STX11: variants seen among roughly 807,000 people sequenced by gnomAD.
The protein encoded by STX11 is syntaxin 11, also known as syntaxin-11.
STX11 carries 21 observed loss-of-function variants against 19.9 expected under a neutral mutation model. That is an observed-to-expected ratio of 1.06 (90% confidence interval 0.75 to 1.52). The LOEUF (loss-of-function observed/expected upper bound fraction) is 1.52, where lower values mean the gene tolerates loss of function less well. STX11 is among the 40% of genes most tolerant of loss of function. The probability of loss-of-function intolerance (pLI) is 0.00; values close to 1 mark genes in which losing one functional copy is unlikely to be tolerated. For synonymous variants in STX11, 193 were observed against 174.4 expected, an observed-to-expected ratio of 1.11 and a Z score of -0.84; for missense variants, 438 against 405.9, an observed-to-expected ratio of 1.08 and a Z score of -0.68.
chr6:144,158,408 G>A (rs1288853763), intron 1 of STX11, among the ~76,000 whole-genome samples: 2 of 152,226 alleles, frequency 1.3e-5, no homozygotes, highest in Non-Finnish European at 2.9e-5. Flanking sequence ...AGATAGCAGA[G>A]TGAGAGATGC....
the STX11 span, among the ~76,000 whole-genome samples, chr6:144,144,475 A>G: frequency 2.0e-5 from 3 of 152,342 alleles, no homozygotes; most frequent in Non-Finnish European, 4.4e-5. Flanking sequence ...TTATTCAAAT[A>G]TTATTTGTAA....
Position 144,170,161 on chromosome 6 carries a change from T to G in STX11, c.-5-16462T>G, listed in dbSNP as rs1254673843. Among the ~76,000 whole-genome samples the G allele has an allele frequency of 6.6e-6, 1 of 152,228 alleles. No individual in the cohort carries two copies. The highest frequency in any genetic ancestry group is 2.4e-5 in the African/African-American group (1 of 41,456). The stretch of plus-strand genomic sequence containing the variant: ...ACATAAACGCTTCCCCTTTTTCTTG[T>G]CACTGTTACTCATAGAAGTATCTGC... On this transcript the variant is annotated intron_variant, in intron 1 of 1. Transcript: ENST00000367568. The surrounding 1 kb of genome is among the most constrained non-coding windows in gnomAD (Gnocchi z 4.7).
In STX11 at chr6:144,186,730, T is replaced by C. The variant is rs1390522168; in HGVS notation, c.103T>C (p.Phe35Leu). Residue 35 changes from phenylalanine to leucine, a missense_variant, in exon 2 of 2, where the codon TTC becomes CTC. Transcript: ENST00000367568. ...TGACTCGCCCCACGAGGACATCGTG[T>C]TCGAGACGGACCACATCCTGGAGTC... ...EFDSPHEDIV[F>L]ETDHILESLY... is the part of the protein sequence containing the mutation. The C allele has an allele frequency of 1.9e-6, 3 of 1,614,024 alleles. No homozygotes were observed. Among genetic ancestry groups the C allele is most frequent in the African/African-American group, 2.7e-5 (2 of 74,918 alleles).
chr6:144,140,249 TA>T, the STX11 span, among the ~76,000 whole-genome samples: 41 of 45,828 alleles, frequency 8.9e-4, no homozygotes, highest in African/African-American at 4.3e-3. Context: ...TATATATATA[TA>T]TATATTTATT....
At chr6:144,161,987 G>A (rs748523884) in intron 1 of STX11, among the ~76,000 whole-genome samples, 1 of 152,126 alleles carries the variant, frequency 6.6e-6, no homozygotes, top group Non-Finnish European at 1.5e-5. Flanking sequence ...AGTAGGTGAA[G>A]GAGGAGGGTT....
At chr6:144,145,196 A>G in the STX11 span, among the ~76,000 whole-genome samples, 1 of 152,356 alleles carries the variant, frequency 6.6e-6, no homozygotes, top group Admixed American at 6.5e-5. Context: ...ATATACATAC[A>G]ATGAGTTATT....
In STX11 at chr6:144,152,546, G is replaced by A. The variant is rs1390714623; in HGVS notation, c.-6+1843G>A. ...TAATAACCATGTAAAACGAAATTCA[G>A]CTGATTATCACCCCTGGACAATTGC... On this transcript the variant is annotated intron_variant, in intron 1 of 1. Transcript: ENST00000367568. This position sits in a 1 kb window ranked among gnomAD's most constrained non-coding sequence, Gnocchi z 4.9. 1.3e-5 allele frequency among the ~76,000 whole-genome samples: 2 copies of A among 152,232 alleles called. No individual in the cohort carries two copies. The highest frequency in any genetic ancestry group is 3.8e-4 in the East Asian group (2 of 5,202).
At chr6:144,166,081 G>A (rs945908176) in intron 1 of STX11, among the ~76,000 whole-genome samples, 1 of 152,152 alleles carries the variant, frequency 6.6e-6, no homozygotes, top group Admixed American at 6.5e-5. Flanking sequence ...TACTTTTAAG[G>A]CTTCTGTCTG....
In STX11 at chr6:144,187,584, G is replaced by A; in HGVS notation, c.*93G>A. On this transcript the variant is annotated 3_prime_UTR_variant, in exon 2 of 2. Coordinates refer to ENST00000367568, the MANE Select transcript of STX11 (RefSeq NM_003764.4). The surrounding 1 kb of genome is among the most constrained non-coding windows in gnomAD (Gnocchi z 5.6). ...CGGGAGCTCTGCCCTGCAGGGAGTTGCCCCAACCCTTTCCGGAACTCAGTC... is the reference window on the plus strand; with the variant it reads ...CGGGAGCTCTGCCCTGCAGGGAGTTACCCCAACCCTTTCCGGAACTCAGTC... 9 of 1,536,492 alleles carry A rather than the reference G, an allele frequency of 5.9e-6. No individual in the cohort carries two copies. Among genetic ancestry groups the A allele is most frequent in the Non-Finnish European group, 7.1e-6 (8 of 1,127,674 alleles).
upstream of STX11, among the ~76,000 whole-genome samples, chr6:144,150,171 C>T (rs1196987173): frequency 6.6e-6 from 1 of 152,246 alleles, no homozygotes; most frequent in Non-Finnish European, 1.5e-5. Context: ...GCCGCGGCAA[C>T]GCACCGGACT....
In STX11 at chr6:144,154,050, G is replaced by A. The variant is rs777411988; in HGVS notation, c.-6+3347G>A. On this transcript the variant is annotated intron_variant, in intron 1 of 1. Coordinates refer to ENST00000367568, the MANE Select transcript of STX11 (RefSeq NM_003764.4). This position sits in a 1 kb window ranked among gnomAD's most constrained non-coding sequence, Gnocchi z 4.7. ...TGTGCGTTAAGCCTTTTACTCGTCA[G>A]TACAATCCTGTGAGATAGGTACTCA... Among the ~76,000 whole-genome samples the A allele has an allele frequency of 1.3e-5, 2 of 152,196 alleles. No homozygotes were observed. The highest frequency in any genetic ancestry group is 1.5e-5 in the Non-Finnish European group (1 of 68,036).
At position 144,187,375 on chromosome 6, in the gene STX11, C is replaced by G; in HGVS notation, c.748C>G (p.Gln250Glu). 6.2e-7 allele frequency: 1 copy of G among 1,610,662 alleles called. No individual in the cohort carries two copies. The change falls in exon 2 of 2, where the codon CAA becomes GAA. Residue 250 changes from glutamine to glutamate, a missense_variant. Gln to Glu is a conservative substitution (Grantham distance 29). Transcript: ENST00000367568. The surrounding 1 kb of genome is among the most constrained non-coding windows in gnomAD (Gnocchi z 5.6). Reference protein sequence around the residue: ...DTLNVIELNVQKTVDYTGQAK... With the variant: ...DTLNVIELNVEKTVDYTGQAK... Reference sequence around the variant, plus strand: ...CCTGAACGTCATCGAGCTCAACGTACAAAAGACGGTCGACTACACCGGCCA... The same window carrying G: ...CCTGAACGTCATCGAGCTCAACGTAGAAAAGACGGTCGACTACACCGGCCA...
Position 144,156,165 on chromosome 6 carries a change from A to G in STX11, c.-6+5462A>G, listed in dbSNP as rs568079909. Among the ~76,000 whole-genome samples, 6 of 149,880 alleles carry G rather than the reference A, an allele frequency of 4.0e-5. No individual in the cohort carries two copies. The East Asian group carries it at 1.2e-3, about 30-fold the overall frequency. Reference sequence around the variant, plus strand: ...CCACAACCTCCACCTCCCGGGTTCAAGCAATTCTCCTGCCTCAGTCTCCCA... The same window carrying G: ...CCACAACCTCCACCTCCCGGGTTCAGGCAATTCTCCTGCCTCAGTCTCCCA... On this transcript the variant is annotated intron_variant, in intron 1 of 1. Transcript: ENST00000367568.
rs1801796153 is a variant in STX11 at position 144,177,119 on chromosome 6, AG to A, written c.-5-9502del. Among the ~76,000 whole-genome samples the A allele has an allele frequency of 6.6e-6, 1 of 152,254 alleles. No individual in the cohort carries two copies. The highest frequency in any genetic ancestry group is 2.4e-5 in the African/African-American group (1 of 41,468). ...CTGGTGTTACGAGTTGGAAAAGAAA[AG>A]GTCATTGATGATTCTGGAAACTCCA... On this transcript the variant is annotated intron_variant, in intron 1 of 1. Coordinates refer to ENST00000367568, the MANE Select transcript of STX11 (RefSeq NM_003764.4). The surrounding 1 kb of genome is among the most constrained non-coding windows in gnomAD (Gnocchi z 4.4).
At chr6:144,179,128 G>A (rs766937339) in intron 1 of STX11, among the ~76,000 whole-genome samples, 1 of 152,160 alleles carries the variant, frequency 6.6e-6, no homozygotes, top group African/African-American at 2.4e-5. Flanking sequence ...TATGTGGATG[G>A]TGGCAGACAA....
Position 144,176,516 on chromosome 6 carries a change from C to G in STX11, c.-5-10107C>G, listed in dbSNP as rs966792974. ...TTCCTTCCTTGCTTTACGGAGTGGGCTTGATTCTAGAGGGCTGCAGACACA... is the reference window on the plus strand; with the variant it reads ...TTCCTTCCTTGCTTTACGGAGTGGGGTTGATTCTAGAGGGCTGCAGACACA... On this transcript the variant is annotated intron_variant, in intron 1 of 1. Coordinates refer to ENST00000367568, the MANE Select transcript of STX11 (RefSeq NM_003764.4). The surrounding 1 kb of genome is among the most constrained non-coding windows in gnomAD (Gnocchi z 4.1). Among the ~76,000 whole-genome samples the G allele has an allele frequency of 1.3e-5, 2 of 152,110 alleles. No homozygotes were observed. The highest frequency in any genetic ancestry group is 2.4e-5 in the African/African-American group (1 of 41,408).
intron 1 of STX11, among the ~76,000 whole-genome samples, chr6:144,157,803 C>A (rs1271751455): frequency 6.6e-6 from 1 of 152,118 alleles, no homozygotes; most frequent in Non-Finnish European, 1.5e-5. Flanking sequence ...CCAGTCCTTG[C>A]TGTAATGCTA....
chr6:144,143,268 G>C, the STX11 span, among the ~76,000 whole-genome samples: 1 of 152,134 alleles, frequency 6.6e-6, no homozygotes, highest in East Asian at 1.9e-4. Flanking sequence ...GAACATTTCT[G>C]TCAGGATTGT....
In STX11 at chr6:144,189,278, T is replaced by G. The variant is rs2128758422; in HGVS notation, c.*1787T>G. On this transcript the variant is annotated 3_prime_UTR_variant, in exon 2 of 2. Transcript: ENST00000367568. ...CTTGAGCAATCCGCCCACCTTGGCC[T>G]CCCAAAGTGCTGAGATTACAGGCCT... Among the ~76,000 whole-genome samples the G allele has an allele frequency of 6.6e-6, 1 of 152,298 alleles. No individual in the cohort carries two copies. Among genetic ancestry groups the G allele is most frequent in the East Asian group, 1.9e-4 (1 of 5,192 alleles).
Sources: gnomAD v4.1 joint callset for allele counts (sites outside exome capture counted in the v4.1 genomes callset) on GRCh38, gnomAD v4.1.1 for gene constraint, Gnocchi (gnomAD v3.1) non-coding constraint, MANE v1.5 for transcripts, NCBI Gene and HGNC (gene_info 2026-07-23, HGNC 2026-07-21) for gene names.